RBM26: variants seen among roughly 807,000 people sequenced by gnomAD.
RBM26 encodes RNA binding motif protein 26, also known as RNA-binding protein 26.
A neutral mutation model predicts 123.6 loss-of-function variants in RBM26; 30 were observed. The ratio of observed to expected loss-of-function variants is 0.24; its 90% confidence interval spans 0.18 to 0.33. The LOEUF is 0.33. RBM26 is among the 10% of genes least tolerant of loss of function. RBM26 has a pLI of 1.00. For synonymous variants in RBM26, 400 were observed against 404.4 expected, an observed-to-expected ratio of 0.99 and a Z score of 0.13; for missense variants, 947 against 1,203.6, an observed-to-expected ratio of 0.79 and a Z score of 3.15.
intron 1 of RBM26, among the ~76,000 whole-genome samples, chr13:79,380,674 TAATA>T (rs976212677): frequency 1.3e-5 from 2 of 152,046 alleles, no homozygotes; most frequent in Admixed American, 6.6e-5. Flanking sequence ...TGAAAATATA[TAATA>T]AATTAACTGT....
chr13:79,402,686 A>G (rs1318129787), intron 1 of RBM26, among the ~76,000 whole-genome samples: 3 of 152,108 alleles, frequency 2.0e-5, no homozygotes, highest in Non-Finnish European at 4.4e-5. Context: ...CACCAAACCT[A>G]TAACGCTTTC....
At chr13:79,347,988 T>G (rs2072613323) in intron 14 of RBM26, among the ~76,000 whole-genome samples, 1 of 152,096 alleles carries the variant, frequency 6.6e-6, no homozygotes, top group African/African-American at 2.4e-5. Flanking sequence ...TTAATGTAAC[T>G]AAGTAACAGA....
intron 1 of RBM26, among the ~76,000 whole-genome samples, chr13:79,385,872 T>C (rs960700211): frequency 1.3e-5 from 2 of 151,508 alleles, no homozygotes; most frequent in Non-Finnish European, 3.0e-5. Context: ...ATGCTCTCTA[T>C]GTGTGGCAAA....
chr13:79,404,695 G>A (rs1347099893), intron 1 of RBM26, among the ~76,000 whole-genome samples: 1 of 152,122 alleles, frequency 6.6e-6, no homozygotes, highest in African/African-American at 2.4e-5. Flanking sequence ...TGACACACAT[G>A]GTCCCTTCTC....
chr13:79,393,954 C>T (rs1209703747), intron 1 of RBM26, among the ~76,000 whole-genome samples: 1 of 152,152 alleles, frequency 6.6e-6, no homozygotes, highest in Non-Finnish European at 1.5e-5. Flanking sequence ...GGACTGTTCA[C>T]CTTGGGGGCA....
At chr13:79,331,635 CAAA>C (rs774555503) in intron 20 of RBM26, among the ~76,000 whole-genome samples, 1 of 124,130 alleles carries the variant, frequency 8.1e-6, no homozygotes, top group Admixed American at 8.1e-5. Context: ...GACTCCGCCT[CAAA>C]AAAAAAAAAA....
rs374173376 is a variant in RBM26 at position 79,389,344 on chromosome 13, T to C, written c.72-10437A>G. 2.0e-4 allele frequency among the ~76,000 whole-genome samples: 31 copies of C among 152,266 alleles called. No homozygotes were observed. The East Asian group carries it at 3.9e-3, about 19-fold the overall frequency. On this transcript the variant is annotated intron_variant, in intron 1 of 21. Coordinates refer to ENST00000438737, the MANE Select transcript of RBM26 (RefSeq NM_001366735.2). Reference sequence around the variant, plus strand: ...ATTAGCTGACTTCTAGAAAATAACTTCTACTAATGAGAATAAAGCAAACAT... The same window carrying C: ...ATTAGCTGACTTCTAGAAAATAACTCCTACTAATGAGAATAAAGCAAACAT...
At position 79,387,828 on chromosome 13, in the gene RBM26, T is replaced by C. The variant is rs141461448; in HGVS notation, c.72-8921A>G. Among the ~76,000 whole-genome samples the C allele has an allele frequency of 2.2e-3, 340 of 152,340 alleles. 1 individual carries two copies. Among genetic ancestry groups the C allele is most frequent in the Admixed American group, 3.7e-3 (56 of 15,304 alleles). On this transcript the variant is annotated intron_variant, in intron 1 of 21. Coordinates refer to ENST00000438737, the MANE Select transcript of RBM26 (RefSeq NM_001366735.2). ...GCCCTTAGAAGGCATAAATAAATTC[T>C]ACTTAATAGAAACATTTTGTGTATT...
intron 1 of RBM26, among the ~76,000 whole-genome samples, chr13:79,392,745 A>C (rs2078206135): frequency 6.6e-6 from 1 of 151,524 alleles, no homozygotes; most frequent in South Asian, 2.1e-4. Context: ...AAGCCGCTTT[A>C]ACTACAAAAC....
At chr13:79,384,476 C>T (rs1373520291) in intron 1 of RBM26, among the ~76,000 whole-genome samples, 3 of 151,996 alleles carry the variant, frequency 2.0e-5, no homozygotes, top group Non-Finnish European at 2.9e-5. Context: ...AGGCTGGTTT[C>T]GAACTCCTGG....
chr13:79,342,106 C>G (rs9565489), intron 17 of RBM26, among the ~76,000 whole-genome samples: 1 of 151,380 alleles, frequency 6.6e-6, no homozygotes, highest in Non-Finnish European at 1.5e-5. Context: ...AAATAAAATA[C>G]GAAATAAGGA....
chr13:79,380,265 T>TA (rs2076978592), intron 1 of RBM26, among the ~76,000 whole-genome samples: 1 of 152,036 alleles, frequency 6.6e-6, no homozygotes, highest in Non-Finnish European at 1.5e-5. Flanking sequence ...AGCAAAAAGA[T>TA]AAAAAGACAG....
At chr13:79,356,746 CAAT>C (rs1260182136) in intron 11 of RBM26, among the ~76,000 whole-genome samples, 2 of 151,936 alleles carry the variant, frequency 1.3e-5, no homozygotes, top group Non-Finnish European at 2.9e-5. Flanking sequence ...GTTTTAAGAA[CAAT>C]AATACAGGTA....
chr13:79,396,617 A>G (rs1435251335), intron 1 of RBM26, among the ~76,000 whole-genome samples: 1 of 152,176 alleles, frequency 6.6e-6, no homozygotes, highest in Non-Finnish European at 1.5e-5. Flanking sequence ...AATCCTCACA[A>G]CAAAAATTTC....
chr13:79,345,593 G>A (rs1201614466), intron 14 of RBM26, among the ~76,000 whole-genome samples: 3 of 151,986 alleles, frequency 2.0e-5, no homozygotes, highest in Admixed American at 6.6e-5. Context: ...TGAGGCCACG[G>A]GTAAGATTAA....
intron 14 of RBM26, among the ~76,000 whole-genome samples, chr13:79,347,901 G>A (rs7327386): frequency 0.36 from 54,701 of 151,920 alleles, 11,574 homozygotes; most frequent in Middle Eastern, 0.52. Context: ...TATGTTAGCT[G>A]TAGTTTTTTT....
chr13:79,365,499 A>G (rs1338824147), intron 9 of RBM26, 79 bp downstream of exon 9: 5 of 1,170,474 alleles, frequency 4.3e-6, no homozygotes, highest in African/African-American at 1.5e-5. Context: ...CAATAAAGGC[A>G]AGACCAACTG....
chr13:79,376,664 A>G (rs191270111), intron 3 of RBM26: 3 of 152,340 alleles, frequency 2.0e-5, no homozygotes, highest in African/African-American at 4.8e-5. Context: ...GTGTTTTACT[A>G]CCTTAAAAAC....
intron 3 of RBM26, among the ~76,000 whole-genome samples, chr13:79,374,994 T>TA (rs2076507102): frequency 6.8e-6 from 1 of 146,492 alleles, no homozygotes; most frequent in South Asian, 2.1e-4. Context: ...TTCTGAGAAT[T>TA]AAAGCATACA....
Sources: allele counts gnomAD v4.1 joint callset (sites outside exome capture counted in the v4.1 genomes callset), GRCh38; gene constraint gnomAD v4.1.1; transcripts MANE v1.5; gene names NCBI Gene and HGNC (gene_info 2026-07-23, HGNC 2026-07-21).